Variants in MIB2 observed in about 807,000 individuals in gnomAD.
MIB2 encodes the protein E3 ubiquitin-protein ligase MIB2.
Under a neutral mutation model 96.6 loss-of-function variants are expected in MIB2, and 78 were observed. The ratio of observed to expected loss-of-function variants is 0.81; its 90% CI spans 0.67 to 0.97. The LOEUF (loss-of-function observed/expected upper bound fraction) is 0.97, where lower values mean the gene tolerates loss of function less well. Among genes scored for constraint, MIB2 ranks in the 50% least tolerant of loss-of-function variants. The pLI is 0.00. For synonymous variants in MIB2, 820 were observed against 629.5 expected (o/e 1.30, Z -4.53); for missense variants, 1,543 against 1,424.0 (o/e 1.08, Z -1.35).
Position 1,628,591 on chromosome 1 carries a change from G to C in MIB2, c.2071G>C (p.Gly691Arg). 1 of 1,601,100 alleles carries C rather than the reference G, an allele frequency of 6.2e-7. No individual in the cohort carries two copies. Among genetic ancestry groups the C allele is most frequent in the African/African-American group, 1.3e-5 (1 of 74,984 alleles). The change falls in exon 16 of 20, where the codon GGG (glycine) becomes CGG (arginine). Residue 691 changes from glycine (G) to arginine (R), a missense_variant. Physicochemically the swap from Gly to Arg is moderately radical, Grantham distance 125 (BLOSUM62 -2). Coordinates refer to ENST00000355826, the MANE Select transcript of MIB2 (RefSeq NM_001170687.4). ...GCTGGTGCCGCTACTGGTGGACGCT[G>C]GGTGCAGTGTCAACGCCGAGGACGA... is the stretch of plus-strand genomic sequence containing the variant. ...VGLVPLLVDAGCSVNAEDEEG... is the reference protein window; with the variant it reads ...VGLVPLLVDARCSVNAEDEEG...
In MIB2 at chr1:1,628,495, T is replaced by A. The variant is rs1439714162; in HGVS notation, c.1975T>A (p.Cys659Ser). ...CGTCCCCACCCCTCCCCAGGGCCGC[T>A]GTGACGTGAACGTGCGCAACCGGAA... ...VAQILIREGR[C>S]DVNVRNRKLQ... Residue 659 changes from cysteine (C) to serine (S), a missense_variant, in exon 16 of 20, where the codon TGT (cysteine) becomes AGT (serine). Cys to Ser is a moderately radical substitution (Grantham distance 112, BLOSUM62 -1). Transcript: ENST00000355826. The A allele has an allele frequency of 6.3e-7, 1 of 1,598,958 alleles. No homozygotes were observed.
In MIB2 at chr1:1,625,968, C is replaced by T. The variant is rs1644721112; in HGVS notation, c.972+315C>T. On this transcript the variant is annotated intron_variant, in intron 8 of 19. Coordinates refer to ENST00000355826, the MANE Select transcript of MIB2 (RefSeq NM_001170687.4). The surrounding 1 kb of genome is among the most constrained non-coding windows in gnomAD (Gnocchi z 5.0). The stretch of plus-strand genomic sequence containing the variant: ...AGGGAGGCGGCTGGGCTAAGATGCT[C>T]CTGGTTAGTGCTGTATGGGGGCCGA... 5 of 441,792 alleles carry T rather than the reference C, an allele frequency of 1.1e-5. No individual in the cohort carries two copies. Among genetic ancestry groups the T allele is most frequent in the Non-Finnish European group, 2.1e-5 (5 of 241,612 alleles). The allele number at this position is 441,792 out of a possible 1,614,324, so 27.4% of individuals were successfully genotyped here. A position where few individuals can be genotyped will look rare whatever the true frequency, so the allele number is the denominator to read the frequency against.
In MIB2 at chr1:1,624,988, C is replaced by T. The variant is rs755596601; in HGVS notation, c.527-3C>T. The T allele has an allele frequency of 1.2e-6, 2 of 1,610,140 alleles. No homozygotes were observed. The highest frequency in any genetic ancestry group is 2.2e-5 in the South Asian group (2 of 90,916). On this transcript the variant is annotated splice_region_variant and splice_polypyrimidine_tract_variant and intron_variant, in intron 5 of 19. Coordinates refer to ENST00000355826, the MANE Select transcript of MIB2 (RefSeq NM_001170687.4). ...AGCCTGCTGGGGGGGCCTCTTTCCC[C>T]AGGAGGGGAAGGGAAACCGGGCCGT... is the stretch of plus-strand genomic sequence containing the variant.
In MIB2 at chr1:1,629,193, T is replaced by A; in HGVS notation, c.2263T>A (p.Phe755Ile). 1.3e-6 allele frequency: 2 copies of A among 1,516,752 alleles called. No individual in the cohort carries two copies. The highest frequency in any genetic ancestry group is 1.8e-6 in the Non-Finnish European group (2 of 1,140,944). 94.0% of individuals were successfully genotyped at this position (1,516,752 alleles called of 1,614,324 possible). ...ELTVGAAVAC[F>I]LALEGADVSY... The stretch of plus-strand genomic sequence containing the variant: ...GACGGTGGGCGCGGCGGTCGCCTGC[T>A]TCCTGGCGCTGGAGGGCGCCGACGT... The change falls in exon 17 of 20, where the codon TTC (phenylalanine) becomes ATC (isoleucine). Residue 755 changes from phenylalanine (F) to isoleucine (I), a missense_variant. By Grantham distance (21) the Phe-to-Ile change is conservative. Transcript: ENST00000355826.
intron 16 of MIB2, 44 bp downstream of exon 16, chr1:1,628,766 CCGGCAGCA>C: frequency 7.1e-7 from 1 of 1,418,254 alleles, no homozygotes; most frequent in Non-Finnish European, 9.4e-7. Context: ...TGCGGTGGCG[CCGGCAGCA>C]GGCTCTGGGC....
chr1:1,619,784 C>A (rs917476757), intron 2 of MIB2, among the ~76,000 whole-genome samples: 2 of 152,184 alleles, frequency 1.3e-5, no homozygotes, highest in Non-Finnish European at 1.5e-5. Context: ...AGAAGTGAGG[C>A]CAGGGAGGAA....
In MIB2 at chr1:1,626,532, G is replaced by T; in HGVS notation, c.973-118G>T. On this transcript the variant is annotated intron_variant, in intron 8 of 19. Coordinates refer to ENST00000355826, the MANE Select transcript of MIB2 (RefSeq NM_001170687.4). The surrounding 1 kb of genome is among the most constrained non-coding windows in gnomAD (Gnocchi z 5.3). ...GGCAGTGCCTGGGGTCGGGGTCGGG[G>T]CCGGGGCCGAGTCAGGCCTGCCTGT... 1 of 831,216 alleles carries T rather than the reference G, an allele frequency of 1.2e-6. No homozygotes were observed. Among genetic ancestry groups the T allele is most frequent in the South Asian group, 1.9e-5 (1 of 51,864 alleles). 51.5% of individuals were successfully genotyped at this position (831,216 alleles called of 1,614,324 possible). A position where few individuals can be genotyped will look rare whatever the true frequency, so the allele number is the denominator to read the frequency against.
chr1:1,615,397 G>A (rs1487443134), upstream of MIB2: 3 of 1,448,922 alleles, frequency 2.1e-6, no homozygotes, highest in South Asian at 2.9e-5. Context: ...AGGCGACGCA[G>A]ACGCTCCCGC....
chr1:1,627,792 G>A lies in MIB2; in HGVS notation c.1643G>A (p.Arg548Gln), dbSNP rs1041720649. Reference protein sequence around the residue: ...AVQRGFLEVVRALCERGCDVN... With the variant: ...AVQRGFLEVVQALCERGCDVN... ...CAGAGGGGCTTCCTGGAGGTGGTGC[G>A]GGCCCTGTGTGAGCGCGGCTGTGAC... Residue 548 changes from arginine (R) to glutamine (Q), a missense_variant, in exon 13 of 20, where the codon CGG (arginine) becomes CAG (glutamine). Transcript: ENST00000355826. 5.6e-6 allele frequency: 9 copies of A among 1,598,640 alleles called. No individual in the cohort carries two copies. Among genetic ancestry groups the A allele is most frequent in the Admixed American group, 1.7e-5 (1 of 59,868 alleles).
At chr1:1,624,065 C>T in intron 4 of MIB2, 120 bp downstream of exon 4, 3 of 1,253,134 alleles carry the variant, frequency 2.4e-6, no homozygotes, top group Non-Finnish European at 3.3e-6. Flanking sequence ...GCAAGTCTCT[C>T]CAGAGCCGTG....
At chr1:1,614,506 G>A (rs1643426762), upstream of MIB2, 1 of 152,188 alleles carries the variant, frequency 6.6e-6, no homozygotes, top group Non-Finnish European at 1.5e-5. Flanking sequence ...CCCTTCGCCC[G>A]GCCCTCTCAG....
rs547454887 is a variant in MIB2, at chr1:1,626,408, C to T, written c.973-242C>T. The T allele has an allele frequency of 3.7e-6, 2 of 533,504 alleles. No homozygotes were observed. The highest frequency in any genetic ancestry group is 1.9e-5 in the African/African-American group (1 of 52,080). 33.0% of individuals were successfully genotyped at this position (533,504 alleles called of 1,614,324 possible). A position where few individuals can be genotyped will look rare whatever the true frequency, so the allele number is the denominator to read the frequency against. On this transcript the variant is annotated intron_variant, in intron 8 of 19. Coordinates refer to ENST00000355826, the MANE Select transcript of MIB2 (RefSeq NM_001170687.4). The surrounding 1 kb of genome is among the most constrained non-coding windows in gnomAD (Gnocchi z 5.3). Reference sequence around the variant, plus strand: ...ACCTCGGCTTCACACCTGCCCAGAGCTGGCTTCTGTCTGCCTGGACACTCC... The same window carrying T: ...ACCTCGGCTTCACACCTGCCCAGAGTTGGCTTCTGTCTGCCTGGACACTCC...
intron 19 of MIB2, 121 bp from the exon 20 acceptor site, chr1:1,630,171 C>CCCCCCCCCCGG: frequency 3.0e-6 from 1 of 338,350 alleles, no homozygotes. Flanking sequence ...CGCCAGCCCC[C>CCCCCCCCCCGG]CTTGCAGGTC....
At position 1,627,668 on chromosome 1, in the gene MIB2, G is replaced by C; in HGVS notation, c.1524-5G>C. The C allele has an allele frequency of 6.3e-7, 1 of 1,589,956 alleles. No individual in the cohort carries two copies. Among genetic ancestry groups the C allele is most frequent in the Non-Finnish European group, 8.5e-7 (1 of 1,175,386 alleles). On this transcript the variant is annotated splice_polypyrimidine_tract_variant and splice_region_variant and intron_variant, in intron 12 of 19. Transcript: ENST00000355826. ...CCCTCCCTCTCCCACTTCCTCTCCT[G>C]TCAGGAACCAGCCCGAGGCCACCAG...
At chr1:1,628,234 G>A in intron 14 of MIB2, 39 bp from the exon 15 acceptor site, 1 of 1,612,604 alleles carries the variant, frequency 6.2e-7, no homozygotes, top group East Asian at 2.2e-5. Context: ...GCTGCCTGGG[G>A]GCAGTCCCAG....
Position 1,629,158 on chromosome 1 carries a change from G to C in MIB2, c.2228G>C (p.Ser743Thr), listed in dbSNP as rs1238043632. 1 of 1,501,586 alleles carries C rather than the reference G, an allele frequency of 6.7e-7. No individual in the cohort carries two copies. Among genetic ancestry groups the C allele is most frequent in the South Asian group, 1.2e-5 (1 of 80,440 alleles). 93.0% of individuals were successfully genotyped at this position (1,501,586 alleles called of 1,614,324 possible). Reference protein sequence around the residue: ...SRLQASGLPGSAELTVGAAVA... With the variant: ...SRLQASGLPGTAELTVGAAVA... The stretch of plus-strand genomic sequence containing the variant: ...CTACAGGCCTCGGGCCTCCCCGGCA[G>C]CGCGGAGCTGACGGTGGGCGCGGCG... The change falls in exon 17 of 20, where the codon AGC becomes ACC. Residue 743 changes from serine (S) to threonine (T), a missense_variant. Physicochemically the swap from Ser to Thr is moderately conservative, Grantham distance 58. Transcript: ENST00000355826.
Position 1,628,566 on chromosome 1 carries a change from G to T in MIB2, c.2046G>T (p.Gly682=). ...TCGCCGTGCAACAGGCCCACGTGGG[G>T]CTGGTGCCGCTACTGGTGGACGCTG... is the stretch of plus-strand genomic sequence containing the variant. The part of the protein sequence containing the change: ...LHLAVQQAHV[G]LVPLLVDAGC... The change falls in exon 16 of 20, where the codon GGG becomes GGT. Residue 682 remains glycine (G), a synonymous_variant. Coordinates refer to ENST00000355826, the MANE Select transcript of MIB2 (RefSeq NM_001170687.4). 1.2e-6 allele frequency: 2 copies of T among 1,601,096 alleles called. No individual in the cohort carries two copies. Among genetic ancestry groups the T allele is most frequent in the Admixed American group, 3.4e-5 (2 of 59,592 alleles).
intron 4 of MIB2, 150 bp from the exon 5 acceptor site, chr1:1,624,645 C>T (rs763204717): frequency 5.9e-5 from 44 of 743,446 alleles, no homozygotes; most frequent in Non-Finnish European, 8.7e-5. Context: ...CCTGCTGGAC[C>T]GGCCATTCCC....
At chr1:1,622,441 G>A (rs116649553) in intron 2 of MIB2, among the ~76,000 whole-genome samples, 1,600 of 152,340 alleles carry the variant, frequency 0.011, 32 homozygotes, top group African/African-American at 0.036. Flanking sequence ...AGCTCTCGGG[G>A]GTCAGCGCCC....
Sources: allele counts gnomAD v4.1 joint callset (sites outside exome capture counted in the v4.1 genomes callset), GRCh38; gene constraint gnomAD v4.1.1; non-coding constraint Gnocchi (gnomAD v3.1); transcripts MANE v1.5; gene names NCBI Gene and HGNC (gene_info 2026-07-23, HGNC 2026-07-21).